Variants in LYPLAL1 observed in about 807,000 individuals in gnomAD.
The protein encoded by LYPLAL1 is lysophospholipase like 1, also known as lysophospholipase-like protein 1.
A neutral mutation model predicts 19.7 loss-of-function variants in LYPLAL1; 23 were observed. That is an observed-to-expected ratio of 1.17 (90% CI 0.84 to 1.65). LYPLAL1 has a LOEUF of 1.65. LYPLAL1 is among the 40% of genes most tolerant of loss of function. The pLI is 0.00. For synonymous variants in LYPLAL1, 119 were observed against 96.3 expected, an observed-to-expected ratio of 1.24 and a Z score of -1.38; for missense variants, 355 against 279.4, an observed-to-expected ratio of 1.27 and a Z score of -1.93.
the LYPLAL1 span, among the ~76,000 whole-genome samples, chr1:219,227,642 T>C: frequency 2.6e-5 from 4 of 152,084 alleles, no homozygotes; most frequent in Non-Finnish European, 5.9e-5. Flanking sequence ...TTAGATTGCA[T>C]AGGACTTGGC....
chr1:219,354,210 A>T, the LYPLAL1 span, among the ~76,000 whole-genome samples: 2 of 152,224 alleles, frequency 1.3e-5, no homozygotes, highest in South Asian at 2.1e-4. Flanking sequence ...ACTTTTTTTT[A>T]AATTGAGATG....
intron 2 of LYPLAL1, among the ~76,000 whole-genome samples, chr1:219,186,359 G>C (rs764619620): frequency 2.8e-4 from 42 of 151,820 alleles, no homozygotes; most frequent in Non-Finnish European, 5.3e-4. Context: ...CACAAATTCT[G>C]TATATGCTTA....
chr1:219,185,004 A>T (rs970250761), intron 2 of LYPLAL1, among the ~76,000 whole-genome samples: 2 of 151,918 alleles, frequency 1.3e-5, no homozygotes, highest in Admixed American at 6.6e-5. Context: ...TAAATATTTG[A>T]TAAAATTCAC....
At chr1:219,229,004 T>G in the LYPLAL1 span, among the ~76,000 whole-genome samples, 4 of 152,122 alleles carry the variant, frequency 2.6e-5, no homozygotes, top group South Asian at 8.4e-4. Context: ...GTATTGTAAC[T>G]CTTTTAATCT....
the LYPLAL1 span, among the ~76,000 whole-genome samples, chr1:219,390,514 G>A: frequency 6.6e-6 from 1 of 152,146 alleles, no homozygotes; most frequent in African/African-American, 2.4e-5. Context: ...AATTGTATCT[G>A]CATAATATGA....
At chr1:219,430,568 G>T in the LYPLAL1 span, among the ~76,000 whole-genome samples, 2 of 152,158 alleles carry the variant, frequency 1.3e-5, no homozygotes, top group Non-Finnish European at 2.9e-5. Flanking sequence ...TGAATGAATA[G>T]GTAGTGCGAA....
chr1:219,414,745 AG>A, the LYPLAL1 span, among the ~76,000 whole-genome samples: 1 of 152,198 alleles, frequency 6.6e-6, no homozygotes, highest in Non-Finnish European at 1.5e-5. Flanking sequence ...AGAAATCTGA[AG>A]GACCAATTCA....
intron 3 of LYPLAL1, among the ~76,000 whole-genome samples, chr1:219,199,599 C>T (rs7523500): frequency 0.29 from 43,450 of 147,424 alleles, 7,087 homozygotes; most frequent in Non-Finnish European, 0.38. Context: ...CACGCCACCA[C>T]GCCCGGCTAA....
the LYPLAL1 span, among the ~76,000 whole-genome samples, chr1:219,306,793 G>GAT: frequency 4.0e-4 from 57 of 142,876 alleles, no homozygotes; most frequent in Non-Finnish European, 5.7e-4. Context: ...TAGATACATA[G>GAT]ACAGATGCAT....
the LYPLAL1 span, among the ~76,000 whole-genome samples, chr1:219,418,138 A>C: frequency 3.3e-5 from 5 of 152,214 alleles, no homozygotes; most frequent in Admixed American, 3.3e-4. Context: ...AATCAGAAAA[A>C]AAAACAATGG....
the LYPLAL1 span, among the ~76,000 whole-genome samples, chr1:219,319,858 A>G: frequency 1.3e-5 from 2 of 152,200 alleles, no homozygotes; most frequent in African/African-American, 2.4e-5. Context: ...CCAAGTCCCA[A>G]TAGTTAACAT....
intron 3 of LYPLAL1, among the ~76,000 whole-genome samples, chr1:219,209,717 TGA>T (rs1252302061): frequency 6.6e-6 from 1 of 152,146 alleles, no homozygotes; most frequent in Non-Finnish European, 1.5e-5. Context: ...AATGTCACAC[TGA>T]GTCACTGACT....
the LYPLAL1 span, among the ~76,000 whole-genome samples, chr1:219,275,038 A>G: frequency 6.6e-6 from 1 of 152,152 alleles, no homozygotes. Context: ...AACCTAAACG[A>G]AAATACTGAT....
chr1:219,345,872 A>G, the LYPLAL1 span, among the ~76,000 whole-genome samples: 6 of 152,026 alleles, frequency 3.9e-5, no homozygotes, highest in South Asian at 2.1e-4. Context: ...CTGTCTTCCA[A>G]CCCCCTCAAT....
chr1:219,244,805 G>C, the LYPLAL1 span, among the ~76,000 whole-genome samples: 1 of 150,102 alleles, frequency 6.7e-6, no homozygotes, highest in African/African-American at 2.5e-5. Context: ...AAGTTAGCCA[G>C]ACATCGTGGT....
the LYPLAL1 span, among the ~76,000 whole-genome samples, chr1:219,334,529 GT>G: frequency 3.3e-4 from 14 of 42,756 alleles, no homozygotes; most frequent in Non-Finnish European, 4.2e-4. Flanking sequence ...GAAGAGGGGT[GT>G]GTGTGTGTGT....
the LYPLAL1 span, among the ~76,000 whole-genome samples, chr1:219,430,715 A>T: frequency 6.6e-6 from 1 of 152,240 alleles, no homozygotes; most frequent in Admixed American, 6.5e-5. Flanking sequence ...TTGACTCAAC[A>T]CAACTCCAAA....
intron 3 of LYPLAL1, among the ~76,000 whole-genome samples, chr1:219,193,710 C>T (rs1238933327): frequency 6.6e-6 from 1 of 151,650 alleles, no homozygotes; most frequent in Non-Finnish European, 1.5e-5. Flanking sequence ...TTTAGCAAGC[C>T]CTGTTCCTAA....
At chr1:219,346,427 T>C in the LYPLAL1 span, among the ~76,000 whole-genome samples, 2 of 151,162 alleles carry the variant, frequency 1.3e-5, no homozygotes, top group Non-Finnish European at 2.9e-5. Flanking sequence ...CAAACATAAG[T>C]TTCAACTTTT....
Sources: allele counts gnomAD v4.1 joint callset (sites outside exome capture counted in the v4.1 genomes callset), GRCh38; gene constraint gnomAD v4.1.1; transcripts MANE v1.5; gene names NCBI Gene and HGNC (gene_info 2026-07-23, HGNC 2026-07-21).